The following SLC44A1 variants were observed in gnomAD, a reference collection of about 807,000 sequenced individuals.
The protein encoded by SLC44A1 is choline transporter-like protein 1.
Under a neutral mutation model 79.3 loss-of-function variants are expected in SLC44A1, and 26 were observed. That is an observed-to-expected ratio of 0.33 (90% CI 0.24 to 0.46). The LOEUF (loss-of-function observed/expected upper bound fraction) is 0.46. SLC44A1 is among the 20% of genes least tolerant of loss of function. The pLI, the probability that SLC44A1 is intolerant of heterozygous loss-of-function variation, is 1.00. For missense variants in SLC44A1, 688 were observed against 798.1 expected (o/e 0.86, Z 1.66); for synonymous variants, 263 against 286.2 (o/e 0.92, Z 0.82).
chr9:105,421,060 T>C (rs1387835754), intron 15 of SLC44A1, among the ~76,000 whole-genome samples: 2 of 152,196 alleles, frequency 1.3e-5, no homozygotes, highest in Non-Finnish European at 2.9e-5. Flanking sequence ...GGTTTAACCG[T>C]ATCATATATT....
intron 2 of SLC44A1, among the ~76,000 whole-genome samples, chr9:105,309,385 C>T (rs1408739723): frequency 6.6e-6 from 1 of 152,160 alleles, no homozygotes; most frequent in Non-Finnish European, 1.5e-5. Context: ...AGATAACGTA[C>T]TACAAGCACC....
At chr9:105,248,764 G>A (rs1829513564) in intron 1 of SLC44A1, among the ~76,000 whole-genome samples, 1 of 152,076 alleles carries the variant, frequency 6.6e-6, no homozygotes, top group Non-Finnish European at 1.5e-5. Context: ...ATTTGTTCTG[G>A]TATAACCTGA....
intron 1 of SLC44A1, among the ~76,000 whole-genome samples, chr9:105,292,495 A>G (rs949661257): frequency 2.0e-5 from 3 of 152,202 alleles, no homozygotes; most frequent in East Asian, 1.9e-4. Context: ...CCTGTTTGCT[A>G]CTAAACATTT....
chr9:105,265,579 T>C (rs2131220459), intron 1 of SLC44A1, among the ~76,000 whole-genome samples: 1 of 152,328 alleles, frequency 6.6e-6, no homozygotes, highest in Non-Finnish European at 1.5e-5. Flanking sequence ...TTAATAAAGC[T>C]CCTGTGAACA....
intron 12 of SLC44A1, among the ~76,000 whole-genome samples, chr9:105,371,504 T>G (rs900743065): frequency 2.5e-5 from 3 of 117,832 alleles, no homozygotes; most frequent in African/African-American, 1.6e-4. Flanking sequence ...AAGGAGGCCT[T>G]GTGGATCACA....
chr9:105,331,797 G>C (rs1826757614), intron 3 of SLC44A1, among the ~76,000 whole-genome samples: 1 of 152,210 alleles, frequency 6.6e-6, no homozygotes, highest in African/African-American at 2.4e-5. Flanking sequence ...AATGGAAACA[G>C]TGAAACTCAG....
Position 105,304,944 on chromosome 9 carries a change from G to GTTTTTTTTTGTTT in SLC44A1, c.127-4771_127-4770insGTTTTTTTTTTTT, listed in dbSNP as rs1554790127. On this transcript the variant is annotated intron_variant, in intron 2 of 15. Coordinates refer to ENST00000374720, the MANE Select transcript of SLC44A1 (RefSeq NM_080546.5). ...GTAGTTATTCCCTAGACTTTCTATCGTTTTTTTTTTTTTTTTTTTTTTTTT... is the reference window on the plus strand; with the variant it reads ...GTAGTTATTCCCTAGACTTTCTATCGTTTTTTTTTGTTTTTTTTTTTTTTTTTTTTTTTTTTTT... Among the ~76,000 whole-genome samples the GTTTTTTTTTGTTT allele has an allele frequency of 9.5e-4, 19 of 20,086 alleles. 8 individuals are homozygous for GTTTTTTTTTGTTT. Among genetic ancestry groups the GTTTTTTTTTGTTT allele is most frequent in the East Asian group, 3.9e-3 (2 of 512 alleles). The allele number at this position is 20,086 out of a possible 152,430, so 13.2% of individuals were successfully genotyped here.
rs750602644 is a variant in SLC44A1 at position 105,391,184 on chromosome 9, G to A, written c.*2128G>A. 33 of 985,624 alleles carry A rather than the reference G, an allele frequency of 3.3e-5. No individual in the cohort carries two copies. Among genetic ancestry groups the A allele is most frequent in the Non-Finnish European group, 4.0e-5 (33 of 829,932 alleles). The allele number at this position is 985,624 out of a possible 1,614,324, so 61.1% of individuals were successfully genotyped here. On this transcript the variant is annotated 3_prime_UTR_variant, in exon 16 of 16. Transcript: ENST00000374720. ...ATGGAAGTCCTGAACTTGGAAATTAGGTTCTACTCACTTGGACATCCCTGC... is the reference window on the plus strand; with the variant it reads ...ATGGAAGTCCTGAACTTGGAAATTAAGTTCTACTCACTTGGACATCCCTGC...
At chr9:105,387,344 G>C (rs1305066651) in intron 15 of SLC44A1, among the ~76,000 whole-genome samples, 1 of 152,000 alleles carries the variant, frequency 6.6e-6, no homozygotes, top group Non-Finnish European at 1.5e-5. Flanking sequence ...ACATAGCTCT[G>C]AATTTTAAGT....
chr9:105,356,520 A>G (rs1211997134), intron 6 of SLC44A1, 139 bp downstream of exon 6: 4 of 582,592 alleles, frequency 6.9e-6, no homozygotes, highest in Non-Finnish European at 1.2e-5. Flanking sequence ...GTTTCAGATT[A>G]TATATAGTTA....
At chr9:105,411,452 A>ATG (rs143819316) in intron 15 of SLC44A1, among the ~76,000 whole-genome samples, 10,018 of 127,492 alleles carry the variant, frequency 0.079, 367 homozygotes, top group Non-Finnish European at 0.1. Context: ...CTCTCTGTGT[A>ATG]TGTGTGTGTG....
intron 3 of SLC44A1, among the ~76,000 whole-genome samples, chr9:105,320,723 G>T (rs752688492): frequency 6.6e-6 from 1 of 152,064 alleles, no homozygotes; most frequent in African/African-American, 2.4e-5. Context: ...GGGACTATAG[G>T]TACAGTCCCA....
chr9:105,358,246 T>G, intron 6 of SLC44A1, 98 bp from the exon 7 acceptor site: 1 of 702,116 alleles, frequency 1.4e-6, no homozygotes, highest in Middle Eastern at 4.0e-4. Context: ...AGCAACAGAT[T>G]ATTTCCCTGG....
chr9:105,305,338 G>T (rs1830999555), intron 2 of SLC44A1, among the ~76,000 whole-genome samples: 1 of 151,424 alleles, frequency 6.6e-6, no homozygotes, highest in Admixed American at 6.6e-5. Context: ...TTTTTTAAAA[G>T]TCTGGAAATC....
chr9:105,305,743 A>AT (rs1359829145), intron 2 of SLC44A1, among the ~76,000 whole-genome samples: 1 of 149,664 alleles, frequency 6.7e-6, no homozygotes, highest in African/African-American at 2.5e-5. Context: ...TTTGTTGACC[A>AT]TTTTTTTCAA....
chr9:105,285,887 G>T (rs1325710013), intron 1 of SLC44A1, among the ~76,000 whole-genome samples: 1 of 152,114 alleles, frequency 6.6e-6, no homozygotes, highest in Non-Finnish European at 1.5e-5. Flanking sequence ...CTTAGCTTGG[G>T]CTCAGAGGCC....
In SLC44A1 at chr9:105,397,337, T is replaced by C. The variant is rs1033344466; in HGVS notation, c.*8281T>C. The C allele has an allele frequency of 1.6e-4, 154 of 980,704 alleles. No homozygotes were observed. Among genetic ancestry groups the C allele is most frequent in the Non-Finnish European group, 1.8e-4 (145 of 825,708 alleles). 60.8% of individuals were successfully genotyped at this position (980,704 alleles called of 1,614,324 possible). A position where few individuals can be genotyped will look rare whatever the true frequency, so the allele number is the denominator to read the frequency against. On this transcript the variant is annotated 3_prime_UTR_variant, in exon 16 of 16. Coordinates refer to ENST00000374720, the MANE Select transcript of SLC44A1 (RefSeq NM_080546.5). ...TTTTTATGTAATAAATAAAATTTTATAGGAAAGAATGTTATTGTCTACTGT... is the reference window on the plus strand; with the variant it reads ...TTTTTATGTAATAAATAAAATTTTACAGGAAAGAATGTTATTGTCTACTGT...
intron 3 of SLC44A1, among the ~76,000 whole-genome samples, chr9:105,321,279 C>T (rs534214531): frequency 6.6e-6 from 1 of 151,970 alleles, no homozygotes; most frequent in African/African-American, 2.4e-5. Context: ...TCTTTTTTCT[C>T]CCATACAAAA....
intron 3 of SLC44A1, among the ~76,000 whole-genome samples, chr9:105,335,179 T>C (rs532244101): frequency 1.6e-3 from 250 of 152,248 alleles, no homozygotes; most frequent in African/African-American, 5.8e-3. Context: ...TTACAGTTTA[T>C]ATATAAACTG....
Sources: gnomAD v4.1 joint callset for allele counts (sites outside exome capture counted in the v4.1 genomes callset) on GRCh38, gnomAD v4.1.1 for gene constraint, MANE v1.5 for transcripts, NCBI Gene and HGNC (gene_info 2026-07-23, HGNC 2026-07-21) for gene names.